Variants in PELI1 observed in about 807,000 individuals in gnomAD.
PELI1 encodes the protein E3 ubiquitin-protein ligase pellino homolog 1.
A neutral mutation model predicts 41.3 loss-of-function variants in PELI1; 15 were observed. The ratio of observed to expected loss-of-function variants is 0.36; its 90% CI spans 0.24 to 0.56. PELI1 has a LOEUF of 0.56. Ranked by LOEUF, PELI1 falls within the 20% of genes least tolerant of loss-of-function variation. The pLI is 0.82. For missense variants in PELI1, 403 were observed against 525.5 expected, an observed-to-expected ratio of 0.77 and a Z score of 2.28; for synonymous variants, 178 against 180.1, an observed-to-expected ratio of 0.99 and a Z score of 0.09.
chr2:64,131,515 A>T (rs2103736203), intron 1 of PELI1, among the ~76,000 whole-genome samples: 1 of 152,206 alleles, frequency 6.6e-6, no homozygotes, highest in East Asian at 1.9e-4. Flanking sequence ...TTCAATCCTC[A>T]GATGCAGATT....
chr2:64,133,066 C>T (rs1351866447), intron 1 of PELI1, among the ~76,000 whole-genome samples: 1 of 152,128 alleles, frequency 6.6e-6, no homozygotes, highest in Non-Finnish European at 1.5e-5. Flanking sequence ...TCATCATGTG[C>T]CCTCCAGACA....
At chr2:64,128,230 G>A (rs1321172383) in intron 1 of PELI1, among the ~76,000 whole-genome samples, 1 of 152,072 alleles carries the variant, frequency 6.6e-6, no homozygotes, top group African/African-American at 2.4e-5. Flanking sequence ...AACATTTATG[G>A]AGTGCCTATT....
chr2:64,116,348 A>G (rs1680991552), intron 1 of PELI1, among the ~76,000 whole-genome samples: 1 of 152,246 alleles, frequency 6.6e-6, no homozygotes, highest in Non-Finnish European at 1.5e-5. Context: ...GATCCTCACA[A>G]AGCAAGACTA....
At chr2:64,098,502 C>T (rs554124430) in intron 4 of PELI1, among the ~76,000 whole-genome samples, 6 of 152,206 alleles carry the variant, frequency 3.9e-5, no homozygotes, top group Admixed American at 6.6e-5. Context: ...GCTTTTCTAC[C>T]GGTTGCTGGC....
intron 2 of PELI1, among the ~76,000 whole-genome samples, chr2:64,105,267 A>G (rs1230559302): frequency 6.6e-6 from 1 of 152,214 alleles, no homozygotes; most frequent in Non-Finnish European, 1.5e-5. Flanking sequence ...AACACTTTAA[A>G]TAGCTGAACT....
At chr2:64,118,973 T>C (rs191629865) in intron 1 of PELI1, among the ~76,000 whole-genome samples, 2 of 148,086 alleles carry the variant, frequency 1.4e-5, no homozygotes, top group African/African-American at 5.0e-5. Context: ...TTCTAAAATA[T>C]GTTTTTGTTT....
chr2:64,101,369 A>G lies in PELI1; in HGVS notation c.202-870T>C, dbSNP rs184959470. Among the ~76,000 whole-genome samples, 8 of 152,258 alleles carry G rather than the reference A, an allele frequency of 5.3e-5. No individual in the cohort carries two copies. In the East Asian group the frequency reaches 1.5e-3, roughly 29 times the overall value. ...AAAGAAACATTCATAGAATGATTAAACATTACCAAAGGAAAGGGATGTAAT... is the reference window on the plus strand; with the variant it reads ...AAAGAAACATTCATAGAATGATTAAGCATTACCAAAGGAAAGGGATGTAAT... On this transcript the variant is annotated intron_variant, in intron 3 of 6. Coordinates refer to ENST00000358912, the MANE Select transcript of PELI1 (RefSeq NM_020651.4).
In PELI1 at chr2:64,093,947, A is replaced by C. The variant is rs141337817; in HGVS notation, c.*755T>G. ...GATTAAATTGCATATCCAAAGGAGC[A>C]TATAAAATGTTTCTTAGCATTAAGT... On this transcript the variant is annotated 3_prime_UTR_variant, in exon 7 of 7. Transcript: ENST00000358912. The C allele has an allele frequency of 6.5e-6, 1 of 152,808 alleles. No individual in the cohort carries two copies. The highest frequency in any genetic ancestry group is 1.9e-4 in the East Asian group (1 of 5,190). The allele number at this position is 152,808 out of a possible 1,614,324, so 9.5% of individuals were successfully genotyped here. A position where few individuals can be genotyped will look rare whatever the true frequency, so the allele number is the denominator to read the frequency against.
chr2:64,143,578 C>A (rs937545968), intron 1 of PELI1: 3 of 151,984 alleles, frequency 2.0e-5, no homozygotes, highest in Admixed American at 6.6e-5. Context: ...GCTCTGAGAT[C>A]CAAAGATGAA....
At chr2:64,118,709 A>T (rs1681102630) in intron 1 of PELI1, among the ~76,000 whole-genome samples, 1 of 152,210 alleles carries the variant, frequency 6.6e-6, no homozygotes, top group Non-Finnish European at 1.5e-5. Context: ...TATGACTGTC[A>T]ATATTTTTAA....
rs147895069 is a variant in PELI1, at chr2:64,094,894, C to T, written c.1065G>A (p.Val355=). 3.1e-6 allele frequency: 5 copies of T among 1,614,078 alleles called. No homozygotes were observed. In the African/African-American group the frequency reaches 5.3e-5, roughly 17 times the overall value. ...LWLGCEAGFY[V]DAGPPTHAFS... ...ACGCATGGGTTGGAGGGCCGGCGTCCACATAAAATCCAGCTTCACATCCAA... is the reference window on the plus strand; with the variant it reads ...ACGCATGGGTTGGAGGGCCGGCGTCTACATAAAATCCAGCTTCACATCCAA... Residue 355 remains valine, a synonymous_variant, in exon 7 of 7, where the codon GTG becomes GTA. Transcript: ENST00000358912.
chr2:64,100,302 A>G, intron 4 of PELI1, 96 bp downstream of exon 4: 1 of 683,264 alleles, frequency 1.5e-6, no homozygotes, highest in Non-Finnish European at 2.6e-6. Context: ...ATACAATATA[A>G]AAATCTGATA....
At chr2:64,128,032 C>A (rs1681444130) in intron 1 of PELI1, among the ~76,000 whole-genome samples, 1 of 151,956 alleles carries the variant, frequency 6.6e-6, no homozygotes, top group East Asian at 1.9e-4. Context: ...TCAGCTCTGG[C>A]CAACATTTAG....
At chr2:64,116,268 T>C (rs796766860) in intron 1 of PELI1, among the ~76,000 whole-genome samples, 5 of 152,312 alleles carry the variant, frequency 3.3e-5, no homozygotes, top group African/African-American at 9.6e-5. Flanking sequence ...CAAACAGTTT[T>C]ATTGTCTGTG....
At chr2:64,113,319 C>T (rs1387019086) in intron 1 of PELI1, among the ~76,000 whole-genome samples, 4 of 150,972 alleles carry the variant, frequency 2.6e-5, no homozygotes, top group Admixed American at 6.6e-5. Flanking sequence ...AAAAAAATTC[C>T]TGAAGTCATG....
chr2:64,099,200 A>T (rs1046222286), intron 4 of PELI1, among the ~76,000 whole-genome samples: 8 of 151,526 alleles, frequency 5.3e-5, no homozygotes, highest in Admixed American at 5.3e-4. Context: ...ACACACACAC[A>T]CATATATATT....
At chr2:64,104,400 A>G (rs1680548480) in intron 3 of PELI1, among the ~76,000 whole-genome samples, 1 of 152,346 alleles carries the variant, frequency 6.6e-6, no homozygotes, top group South Asian at 2.1e-4. Context: ...AGACAGCTGC[A>G]TAATTCTAAG....
intron 1 of PELI1, among the ~76,000 whole-genome samples, chr2:64,117,725 G>A (rs1681046443): frequency 6.6e-6 from 1 of 152,156 alleles, no homozygotes; most frequent in Admixed American, 6.5e-5. Context: ...TTCATCTTAT[G>A]AGAGTTCTAA....
intron 1 of PELI1, among the ~76,000 whole-genome samples, chr2:64,137,483 ATGTG>A (rs150203723): frequency 6.6e-6 from 1 of 151,694 alleles, no homozygotes; most frequent in Admixed American, 6.6e-5. Flanking sequence ...ATGATCTTGT[ATGTG>A]TGTGTGTGTG....
Sources: allele counts gnomAD v4.1 joint callset (sites outside exome capture counted in the v4.1 genomes callset), GRCh38; gene constraint gnomAD v4.1.1; transcripts MANE v1.5; gene names NCBI Gene and HGNC (gene_info 2026-07-23, HGNC 2026-07-21).